Variants in SNX30 observed in about 807,000 individuals in gnomAD.
The protein encoded by SNX30 is sorting nexin-30.
SNX30 carries 24 observed loss-of-function variants against 46.4 expected under a neutral mutation model. The observed-to-expected ratio is 0.52, with a 90% CI of 0.37 to 0.73. The LOEUF is 0.73. SNX30 is among the 30% of genes least tolerant of loss of function. SNX30 has a pLI of 0.00. For missense variants in SNX30, 533 were observed against 555.7 expected, an observed-to-expected ratio of 0.96 and a Z score of 0.41; for synonymous variants, 189 against 211.5, an observed-to-expected ratio of 0.89 and a Z score of 0.92.
At chr9:112,882,028 A>G (rs1841583490), downstream of SNX30, among the ~76,000 whole-genome samples, 1 of 152,188 alleles carries the variant, frequency 6.6e-6, no homozygotes, top group African/African-American at 2.4e-5. Flanking sequence ...TGGCAGGAAT[A>G]GGAGGTGAGA....
chr9:112,770,273 G>A (rs1462092185), intron 1 of SNX30, among the ~76,000 whole-genome samples: 5 of 152,032 alleles, frequency 3.3e-5, no homozygotes, highest in Non-Finnish European at 7.4e-5. Flanking sequence ...CTGGGTGCAA[G>A]CAATTCTCCT....
rs142688353 is a variant in SNX30, at chr9:112,757,813, C to T, written c.156+6656C>T. ...TGCCTCTATATTCAGTTCCCTTGCT[C>T]TCTTCTTTTTATACCCAGCTTGGAT... is the stretch of plus-strand genomic sequence containing the variant. On this transcript the variant is annotated intron_variant, in intron 1 of 8. Transcript: ENST00000374232. Among the ~76,000 whole-genome samples, 585 of 152,276 alleles carry T rather than the reference C, an allele frequency of 3.8e-3. 4 individuals carry two copies. Among genetic ancestry groups the T allele is most frequent in the African/African-American group, 0.011 (441 of 41,544 alleles).
At chr9:112,825,578 G>A (rs1840568195) in intron 3 of SNX30, among the ~76,000 whole-genome samples, 1 of 152,054 alleles carries the variant, frequency 6.6e-6, no homozygotes, top group African/African-American at 2.4e-5. Flanking sequence ...ATAGACATGA[G>A]CCACTGTGTC....
chr9:112,752,764 A>T (rs1839297056), intron 1 of SNX30, among the ~76,000 whole-genome samples: 2 of 152,208 alleles, frequency 1.3e-5, no homozygotes. Context: ...CCCAAAACTT[A>T]TCACCTGGAA....
intron 7 of SNX30, among the ~76,000 whole-genome samples, chr9:112,856,530 T>C (rs539609885): frequency 1.2e-4 from 18 of 151,324 alleles, no homozygotes; most frequent in Non-Finnish European, 2.4e-4. Context: ...GTGACTGGGA[T>C]GGAAAGGTGC....
chr9:112,879,659 C>A, downstream of SNX30: 1 of 1,085,334 alleles, frequency 9.2e-7, no homozygotes, highest in Non-Finnish European at 1.4e-6. Context: ...ACGCAGGTTT[C>A]TTAAGCAGTG....
chr9:112,865,098 A>AC (rs1404441030), intron 8 of SNX30, among the ~76,000 whole-genome samples: 1 of 74,476 alleles, frequency 1.3e-5, no homozygotes, highest in Non-Finnish European at 2.4e-5. Flanking sequence ...TACACCACAC[A>AC]CCCCCCATAC....
intron 7 of SNX30, among the ~76,000 whole-genome samples, chr9:112,852,875 C>T (rs10759597): frequency 0.012 from 1,825 of 152,156 alleles, 15 homozygotes; most frequent in Middle Eastern, 0.027. Flanking sequence ...TGGTTCCTGC[C>T]GCTGCCGCCA....
chr9:112,794,487 G>A (rs189774916), intron 1 of SNX30, among the ~76,000 whole-genome samples: 6 of 152,270 alleles, frequency 3.9e-5, no homozygotes, highest in East Asian at 3.9e-4. Flanking sequence ...TACCTGGCAC[G>A]AGGGGGGTAA....
intron 1 of SNX30, among the ~76,000 whole-genome samples, chr9:112,751,550 CA>C (rs1261441631): frequency 2.6e-5 from 4 of 152,244 alleles, no homozygotes; most frequent in Non-Finnish European, 5.9e-5. Flanking sequence ...CGAGACTGCA[CA>C]GAAAGCAGGA....
intron 1 of SNX30, among the ~76,000 whole-genome samples, chr9:112,783,497 T>C (rs573281484): frequency 6.6e-6 from 1 of 152,338 alleles, no homozygotes; most frequent in Non-Finnish European, 1.5e-5. Context: ...GCTATATGTA[T>C]AGACTGCTGT....
intron 1 of SNX30, among the ~76,000 whole-genome samples, chr9:112,795,655 G>A (rs1840093752): frequency 6.6e-6 from 1 of 151,918 alleles, no homozygotes; most frequent in Non-Finnish European, 1.5e-5. Context: ...GCTGTTCCTG[G>A]AAGGTTATTG....
chr9:112,777,615 T>TA (rs1487335990), intron 1 of SNX30, among the ~76,000 whole-genome samples: 27 of 134,868 alleles, frequency 2.0e-4, no homozygotes, highest in African/African-American at 7.3e-4. Context: ...TTTTTTTTTT[T>TA]TTTTTTTTTT....
intron 5 of SNX30, among the ~76,000 whole-genome samples, chr9:112,837,611 G>T (rs1840778559): frequency 6.6e-6 from 1 of 151,912 alleles, no homozygotes; most frequent in Non-Finnish European, 1.5e-5. Flanking sequence ...GAGTAGCTGG[G>T]ACTACAGGTG....
intron 2 of SNX30, among the ~76,000 whole-genome samples, chr9:112,812,949 C>A (rs1192657139): frequency 6.6e-6 from 1 of 152,100 alleles, no homozygotes; most frequent in African/African-American, 2.4e-5. Flanking sequence ...GAATTTGAGA[C>A]CAGCCTGGTC....
chr9:112,751,525 A>G (rs1346923979), intron 1 of SNX30, among the ~76,000 whole-genome samples: 1 of 152,118 alleles, frequency 6.6e-6, no homozygotes, highest in Non-Finnish European at 1.5e-5. Context: ...CATAACTTGT[A>G]GCTCCTCCAG....
chr9:112,770,985 A>G (rs925607235), intron 1 of SNX30, among the ~76,000 whole-genome samples: 3 of 152,154 alleles, frequency 2.0e-5, no homozygotes, highest in Admixed American at 6.5e-5. Flanking sequence ...ACAGAGTGAG[A>G]CTCTGTGTCA....
Position 112,838,788 on chromosome 9 carries a change from A to G in SNX30, c.1014+91A>G, listed in dbSNP as rs536564453. 2.7e-4 allele frequency: 350 copies of G among 1,276,820 alleles called. 4 individuals carry two copies. The South Asian group carries it at 4.4e-3, about 16-fold the overall frequency. 79.1% of individuals were successfully genotyped at this position (1,276,820 alleles called of 1,614,324 possible). A position where few individuals can be genotyped will look rare whatever the true frequency, so the allele number is the denominator to read the frequency against. ...GGATTATTGCCTGTTTGCATGTGATATAAGTTTCCTTCTTCCTGGGTGGGC... is the reference window on the plus strand; with the variant it reads ...GGATTATTGCCTGTTTGCATGTGATGTAAGTTTCCTTCTTCCTGGGTGGGC... On this transcript the variant is annotated intron_variant, in intron 6 of 8. Transcript: ENST00000374232.
At chr9:112,850,044 C>T (rs1330466899) in intron 6 of SNX30, among the ~76,000 whole-genome samples, 1 of 152,184 alleles carries the variant, frequency 6.6e-6, no homozygotes, top group East Asian at 1.9e-4. Context: ...AGGGGAGCCC[C>T]AGGCACAGAT....
Sources: allele counts gnomAD v4.1 joint callset (sites outside exome capture counted in the v4.1 genomes callset), GRCh38; gene constraint gnomAD v4.1.1; transcripts MANE v1.5; gene names NCBI Gene and HGNC (gene_info 2026-07-23, HGNC 2026-07-21).